The following MORC2 variants were observed in gnomAD, a reference collection of about 807,000 sequenced individuals.
MORC2 encodes the protein MORC family CW-type zinc finger 2, also known as ATPase MORC2.
MORC2 carries 30 observed loss-of-function variants against 136.0 expected under a neutral mutation model. That is an observed-to-expected ratio of 0.22 (90% CI 0.17 to 0.30). The LOEUF is 0.30. Among genes scored for constraint, MORC2 ranks in the 10% least tolerant of loss-of-function variants. The pLI, the probability that MORC2 is intolerant of heterozygous loss-of-function variation, is 1.00. For missense variants in MORC2, 922 were observed against 1,333.1 expected, an observed-to-expected ratio of 0.69 and a Z score of 4.80; for synonymous variants, 439 against 487.0, an observed-to-expected ratio of 0.90 and a Z score of 1.30.
Position 30,926,550 on chromosome 22 carries a change from CAAAAAAAAAAAAAAA to C in MORC2, c.*238_*252del, listed in dbSNP as rs60514280. The C allele has an allele frequency of 1.9e-3, 48 of 25,756 alleles. 1 individual carries two copies. Among genetic ancestry groups the C allele is most frequent in the Admixed American group, 9.6e-3 (12 of 1,248 alleles). The allele number at this position is 25,756 out of a possible 1,614,324, so 1.6% of individuals were successfully genotyped here. A position where few individuals can be genotyped will look rare whatever the true frequency, so the allele number is the denominator to read the frequency against. On this transcript the variant is annotated 3_prime_UTR_variant, in exon 26 of 26. Transcript: ENST00000397641. The stretch of plus-strand genomic sequence containing the variant: ...AAGGTTCTCTGTCCTTTGCAGTCAC[CAAAAAAAAAAAAAAA>C]AAAAAAAAAAAAAAAAAAAAAGTAT...
chr22:30,946,565 C>G (rs181684992), intron 5 of MORC2, 116 bp from the exon 6 acceptor site: 1 of 800,224 alleles, frequency 1.2e-6, no homozygotes, highest in Admixed American at 2.4e-5. Flanking sequence ...CTCCTAAAGG[C>G]CCCCCCAGGT....
rs779612677 is a variant in MORC2 at position 30,933,530 on chromosome 22, G to A, written c.2326-10C>T. The A allele has an allele frequency of 3.1e-6, 5 of 1,613,398 alleles. No individual in the cohort carries two copies. The African/African-American group carries it at 4.0e-5, about 13-fold the overall frequency. The stretch of plus-strand genomic sequence containing the variant: ...CAGCACTGTCTGAGAGCTGCGTGGA[G>A]AGCAGTCTATTAGAGGCATCCCCAG... On this transcript the variant is annotated splice_polypyrimidine_tract_variant and intron_variant, in intron 20 of 25. Coordinates refer to ENST00000397641, the MANE Select transcript of MORC2 (RefSeq NM_001303256.3).
intron 12 of MORC2, among the ~76,000 whole-genome samples, chr22:30,938,943 C>T (rs915357695): frequency 1.3e-5 from 2 of 152,178 alleles, no homozygotes; most frequent in Non-Finnish European, 2.9e-5. Context: ...CATGTGATTA[C>T]TATCAACAAA....
At position 30,949,858 on chromosome 22, in the gene MORC2, C is replaced by G; in HGVS notation, c.227-16G>C. On this transcript the variant is annotated splice_polypyrimidine_tract_variant and intron_variant, in intron 4 of 25. Transcript: ENST00000397641. ...GCAGCATCACCTGAAAGGGCAGACA[C>G]AAGAGAAAGTGAAAAGTTTGCATTT... The G allele has an allele frequency of 6.2e-7, 1 of 1,612,734 alleles. No individual in the cohort carries two copies. The highest frequency in any genetic ancestry group is 8.5e-7 in the Non-Finnish European group (1 of 1,178,952).
chr22:30,954,952 A>ATTTTT (rs34059352), intron 3 of MORC2, among the ~76,000 whole-genome samples: 10 of 105,314 alleles, frequency 9.5e-5, no homozygotes, highest in Non-Finnish European at 1.3e-4. Context: ...TGGCCTGAGC[A>ATTTTT]TTTTTTTTTT....
At chr22:30,958,122 A>T (rs959832678) in intron 2 of MORC2, among the ~76,000 whole-genome samples, 3 of 152,248 alleles carry the variant, frequency 2.0e-5, no homozygotes, top group African/African-American at 7.2e-5. Context: ...ATCACTAAGA[A>T]CTCAGTATAA....
chr22:30,939,832 C>T, intron 11 of MORC2, 126 bp from the exon 12 acceptor site: 2 of 1,346,664 alleles, frequency 1.5e-6, no homozygotes, highest in African/African-American at 1.5e-5. Context: ...AAATTTACTT[C>T]TTTCTACAGA....
Position 30,946,296 on chromosome 22 carries a change from CAG to C in MORC2, c.426+43_426+44del, listed in dbSNP as rs757034188. On this transcript the variant is annotated intron_variant, in intron 6 of 25. Transcript: ENST00000397641. ...CCTACGAAAACCGCCTGGGCAGACT[CAG>C]GAAATGAGGACTGGTGATGCAGACC... 1,599 of 1,510,754 alleles carry C rather than the reference CAG, an allele frequency of 1.1e-3. 3 individuals carry two copies. The highest frequency in any genetic ancestry group is 1.3e-3 in the Non-Finnish European group (1,460 of 1,099,280). The allele number at this position is 1,510,754 out of a possible 1,614,324, so 93.6% of individuals were successfully genotyped here. A position where few individuals can be genotyped will look rare whatever the true frequency, so the allele number is the denominator to read the frequency against.
At chr22:30,938,479 G>A (rs2040689956) in intron 12 of MORC2, among the ~76,000 whole-genome samples, 1 of 152,156 alleles carries the variant, frequency 6.6e-6, no homozygotes, top group African/African-American at 2.4e-5. Flanking sequence ...TTACGAAGCT[G>A]CTGCAAATCT....
chr22:30,938,025 A>C (rs376955854), intron 13 of MORC2, 40 bp downstream of exon 13: 17 of 1,613,618 alleles, frequency 1.1e-5, no homozygotes, highest in African/African-American at 9.4e-5. Context: ...CCTCCTGCCA[A>C]CTATCCTGGG....
rs1230455127 is a variant in MORC2 at position 30,932,180 on chromosome 22, T to C, written c.2841+179A>G. 10 of 629,686 alleles carry C rather than the reference T, an allele frequency of 1.6e-5. No individual in the cohort carries two copies. Among genetic ancestry groups the C allele is most frequent in the African/African-American group, 5.5e-5 (3 of 54,496 alleles). The allele number at this position is 629,686 out of a possible 1,614,324, so 39.0% of individuals were successfully genotyped here. On this transcript the variant is annotated intron_variant, in intron 24 of 25. Transcript: ENST00000397641. The surrounding 1 kb of genome is among the most constrained non-coding windows in gnomAD (Gnocchi z 4.4). The stretch of plus-strand genomic sequence containing the variant: ...TCATATCCAGCTAAGCCAATTTTTT[T>C]CCCACATCATAAACTCTCCTCTTCT...
chr22:30,949,783 G>C lies in MORC2; in HGVS notation c.286C>G (p.Gln96Glu), dbSNP rs749060708. Reference sequence around the variant, plus strand: ...AACCCATTCCCGTACTGCCCAATCTGAGTAGACTCAGGTGTTCGCTTGGCC... The same window carrying C: ...AACCCATTCCCGTACTGCCCAATCTCAGTAGACTCAGGTGTTCGCTTGGCC... ...KSAKRTPESTQIGQYGNGLKS... is the reference protein window; with the variant it reads ...KSAKRTPESTEIGQYGNGLKS... Residue 96 changes from glutamine (Q) to glutamate (E), a missense_variant, in exon 5 of 26, where the codon CAG becomes GAG. Around this residue, in one of 9 missense-constraint regions of MORC2, gnomAD observed 5 missense variants for 27.1 expected, o/e 0.18. Transcript: ENST00000397641. The C allele has an allele frequency of 1.3e-5, 21 of 1,614,176 alleles. No homozygotes were observed. The highest frequency in any genetic ancestry group is 1.8e-5 in the Non-Finnish European group (21 of 1,180,028).
chr22:30,939,806 G>A lies in MORC2; in HGVS notation c.988-100C>T, dbSNP rs1038625766. The A allele has an allele frequency of 2.2e-6, 3 of 1,375,654 alleles. No individual in the cohort carries two copies. The African/African-American group carries it at 4.3e-5, about 20-fold the overall frequency. The allele number at this position is 1,375,654 out of a possible 1,614,324, so 85.2% of individuals were successfully genotyped here. A position where few individuals can be genotyped will look rare whatever the true frequency, so the allele number is the denominator to read the frequency against. On this transcript the variant is annotated intron_variant, in intron 11 of 25. Transcript: ENST00000397641. ...AGACATCTCAATTTATCTCAAAGAT[G>A]TAAAACCACACCTGGAAATTTACTT...
At chr22:30,939,085 C>T (rs2040702556) in intron 12 of MORC2, among the ~76,000 whole-genome samples, 1 of 152,070 alleles carries the variant, frequency 6.6e-6, no homozygotes, top group Non-Finnish European at 1.5e-5. Flanking sequence ...CAAAGAGGAT[C>T]CAGACATGGA....
rs756313402 is a variant in MORC2 at position 30,933,002 on chromosome 22, C to G, written c.2409G>C (p.Val803=). Residue 803 remains valine (V), a synonymous_variant, in exon 22 of 26, where the codon GTG becomes GTC. Coordinates refer to ENST00000397641, the MANE Select transcript of MORC2 (RefSeq NM_001303256.3). ...KDKGLHVEVR[V]NREWYTGRVT... Reference sequence around the variant, plus strand: ...CACGGCCCGTGTACCACTCCCTGTTCACACGCACCTCCACGTGCAGCCCTT... The same window carrying G: ...CACGGCCCGTGTACCACTCCCTGTTGACACGCACCTCCACGTGCAGCCCTT... 2.5e-6 allele frequency: 4 copies of G among 1,614,158 alleles called. No individual in the cohort carries two copies. The Admixed American group carries it at 6.7e-5, about 27-fold the overall frequency.
At chr22:30,936,301 TAAG>T (rs765724535) in intron 17 of MORC2, among the ~76,000 whole-genome samples, 8 of 152,222 alleles carry the variant, frequency 5.3e-5, no homozygotes, top group Non-Finnish European at 1.0e-4. Context: ...CATTTTTTCT[TAAG>T]AATAAGCAAG....
At chr22:30,946,550 G>A in intron 5 of MORC2, 101 bp from the exon 6 acceptor site, 2 of 1,055,342 alleles carry the variant, frequency 1.9e-6, no homozygotes, top group Non-Finnish European at 2.8e-6. Flanking sequence ...TGCCACTGGA[G>A]GGCTCTCCTA....
chr22:30,954,935 C>T (rs1316146088), intron 3 of MORC2, among the ~76,000 whole-genome samples: 1 of 151,056 alleles, frequency 6.6e-6, no homozygotes, highest in Non-Finnish European at 1.5e-5. Flanking sequence ...GGAAAGGCAC[C>T]TCCATCTGGC....
At chr22:30,929,894 G>A (rs1337465173) in intron 24 of MORC2, 1 of 152,184 alleles carries the variant, frequency 6.6e-6, no homozygotes, top group Non-Finnish European at 1.5e-5. Flanking sequence ...CTGTCACCCA[G>A]GCTGGAGTCC....
Sources: allele counts gnomAD v4.1 joint callset (sites outside exome capture counted in the v4.1 genomes callset), GRCh38; gene constraint gnomAD v4.1.1; regional missense constraint gnomAD v4.1.1; non-coding constraint Gnocchi (gnomAD v3.1); transcripts MANE v1.5; gene names NCBI Gene and HGNC (gene_info 2026-07-23, HGNC 2026-07-21).